Variants in RHOT2 observed in about 807,000 individuals in gnomAD.
RHOT2 encodes the protein mitochondrial Rho GTPase 2.
Under a neutral mutation model 81.6 loss-of-function variants are expected in RHOT2, and 90 were observed. The observed-to-expected ratio is 1.10, with a 90% CI of 0.93 to 1.31. The LOEUF (loss-of-function observed/expected upper bound fraction) is 1.31, where lower values mean the gene tolerates loss of function less well. Ranked by LOEUF, RHOT2 falls within the 40% of genes most tolerant of loss-of-function variation. The pLI, the probability that RHOT2 is intolerant of heterozygous loss-of-function variation, is 0.00. For synonymous variants in RHOT2, 512 were observed against 370.9 expected (o/e 1.38, Z -4.37); for missense variants, 1,014 against 841.9 (o/e 1.20, Z -2.53).
At position 668,562 on chromosome 16, in the gene RHOT2, C is replaced by T. The variant is rs143268010; in HGVS notation, c.171C>T (p.Asp57=). ...TPEKVPTHIV[D]YSEAEQTDEE... ...AGAAGGTGCCCACCCACATCGTGGA[C>T]TACTCAGGTAGCGGCCGTAGCCTCC... The change falls in exon 3 of 19, where the codon GAC becomes GAT. Residue 57 remains aspartate, a synonymous_variant. Coordinates refer to ENST00000315082, the MANE Select transcript of RHOT2 (RefSeq NM_138769.3). 3.1e-6 allele frequency: 5 copies of T among 1,610,534 alleles called. No individual in the cohort carries two copies. The highest frequency in any genetic ancestry group is 4.2e-6 in the Non-Finnish European group (5 of 1,179,118).
chr16:668,876 C>G (rs2038401110), intron 4 of RHOT2, 177 bp downstream of exon 4: 3 of 619,846 alleles, frequency 4.8e-6, no homozygotes, highest in Admixed American at 6.5e-5. Context: ...GCCGGCACCG[C>G]TCAGTCCAGT....
At position 672,960 on chromosome 16, in the gene RHOT2, C is replaced by T. The variant is rs527825249; in HGVS notation, c.1560C>T (p.Leu520=). Residue 520 remains leucine (L), a synonymous_variant, in exon 18 of 19, where the codon CTC becomes CTT. Coordinates refer to ENST00000315082, the MANE Select transcript of RHOT2 (RefSeq NM_138769.3). ...HHYMDGQTPC[L]FVSSKADLPE... is the part of the protein sequence containing the mutation. ...ACATGGACGGGCAGACCCCCTGCCT[C>T]TTTGTCTCCTCCAAGGCCGACCTGC... The T allele has an allele frequency of 4.3e-6, 7 of 1,612,854 alleles. No individual in the cohort carries two copies. The highest frequency in any genetic ancestry group is 2.2e-5 in the South Asian group (2 of 91,088).
At chr16:669,871 G>A in intron 5 of RHOT2, 2 of 613,370 alleles carry the variant, frequency 3.3e-6, no homozygotes, top group South Asian at 4.0e-5. Flanking sequence ...GACCCGCAGA[G>A]GGCCTGCGTT....
At chr16:668,939 C>T (rs374465396) in intron 4 of RHOT2, 18 of 531,922 alleles carry the variant, frequency 3.4e-5, no homozygotes, top group African/African-American at 2.6e-4. Flanking sequence ...TCCCTCCTGC[C>T]GGGGTGGCAG....
chr16:669,022 C>T (rs957128296), intron 4 of RHOT2: 5 of 453,284 alleles, frequency 1.1e-5, no homozygotes, highest in Non-Finnish European at 2.0e-5. Context: ...ACCGTCCCGG[C>T]CTCCGGGCAC....
chr16:669,347 G>A, intron 4 of RHOT2: 3 of 603,478 alleles, frequency 5.0e-6, no homozygotes, highest in Non-Finnish European at 8.9e-6. Flanking sequence ...GCAGCTCCCA[G>A]TGTGACACTG....
chr16:673,392 C>T (rs377104707), intron 18 of RHOT2, 88 bp from the exon 19 acceptor site: 16 of 1,583,944 alleles, frequency 1.0e-5, no homozygotes, highest in East Asian at 2.2e-5. Context: ...CCTGTGGGGC[C>T]CTGTGAGTCC....
Position 668,403 on chromosome 16 carries a change from C to A in RHOT2, c.88C>A (p.Pro30Thr). The A allele has an allele frequency of 1.3e-6, 2 of 1,490,066 alleles. No individual in the cohort carries two copies. Among genetic ancestry groups the A allele is most frequent in the Non-Finnish European group, 8.9e-7 (1 of 1,126,264 alleles). 92.3% of individuals were successfully genotyped at this position (1,490,066 alleles called of 1,614,324 possible). ...LILSLVGEEFPEEVPPRAEEI... is the reference protein window; with the variant it reads ...LILSLVGEEFTEEVPPRAEEI... Reference sequence around the variant, plus strand: ...CCTGTCCCTGGTGGGCGAGGAGTTCCCCGAGGAGGTAAGGGGCACGCCCGC... The same window carrying A: ...CCTGTCCCTGGTGGGCGAGGAGTTCACCGAGGAGGTAAGGGGCACGCCCGC... The change falls in exon 2 of 19, where the codon CCC (proline) becomes ACC (threonine). Residue 30 changes from proline (P) to threonine (T), a missense_variant. Pro to Thr is a conservative substitution (Grantham distance 38). Coordinates refer to ENST00000315082, the MANE Select transcript of RHOT2 (RefSeq NM_138769.3).
At chr16:669,747 C>T in intron 5 of RHOT2, 141 bp downstream of exon 5, 1 of 810,758 alleles carries the variant, frequency 1.2e-6, no homozygotes. Flanking sequence ...CGTGGAGTCA[C>T]CCGGCCCTCT....
intron 5 of RHOT2, 187 bp downstream of exon 5, chr16:669,793 G>A (rs909438630): frequency 9.2e-5 from 60 of 650,534 alleles, no homozygotes; most frequent in Middle Eastern, 8.2e-4. Flanking sequence ...GGTCTGGGGC[G>A]TCCCGCAGTC....
At position 672,781 on chromosome 16, in the gene RHOT2, G is replaced by T. The variant is rs200200806; in HGVS notation, c.1483G>T (p.Gly495Cys). The T allele has an allele frequency of 1.2e-5, 19 of 1,612,700 alleles. No individual in the cohort carries two copies. The East Asian group carries it at 4.0e-4, about 34-fold the overall frequency. The change falls in exon 17 of 19, where the codon GGC becomes TGC. Residue 495 changes from glycine to cysteine, a missense_variant. Transcript: ENST00000315082. ...TGACGTTGCCTGCTTGATGTTTGAT[G>T]GCAGTGACCCAAAGTCCTTTGCACA... ...TCDVACLMFD[G>C]SDPKSFAHCA...
At chr16:669,962 C>T (rs1435441334) in intron 5 of RHOT2, 161 bp from the exon 6 acceptor site, 4 of 660,334 alleles carry the variant, frequency 6.1e-6, no homozygotes, top group East Asian at 5.5e-5. Flanking sequence ...GCTGCACCTG[C>T]TGCCTGCCTT....
rs955427965 is a variant in RHOT2, at chr16:674,040, T to C, written c.*434T>C. On this transcript the variant is annotated 3_prime_UTR_variant, in exon 19 of 19. Coordinates refer to ENST00000315082, the MANE Select transcript of RHOT2 (RefSeq NM_138769.3). ...TGGGCCAAAAGCAGGCGTTGGGGGG[T>C]CCCCCCTCAAGTTTGGAGCCGTTTC... The C allele has an allele frequency of 1.5e-5, 4 of 275,714 alleles. No individual in the cohort carries two copies. Among genetic ancestry groups the C allele is most frequent in the East Asian group, 1.2e-4 (1 of 8,476 alleles). 17.1% of individuals were successfully genotyped at this position (275,714 alleles called of 1,614,324 possible). A position where few individuals can be genotyped will look rare whatever the true frequency, so the allele number is the denominator to read the frequency against.
chr16:673,490 C>T lies in RHOT2; in HGVS notation c.1741C>T (p.His581Tyr). Reference sequence around the variant, plus strand: ...TCTTCTCTCTTGCAGACATTTGGTCCACGCAGAGCTGCATCCCTCTTCCTT... The same window carrying T: ...TCTTCTCTCTTGCAGACATTTGGTCTACGCAGAGCTGCATCCCTCTTCCTT... ...ATMAAFPHLVHAELHPSSFWL... is the reference protein window; with the variant it reads ...ATMAAFPHLVYAELHPSSFWL... The change falls in exon 19 of 19, where the codon CAC (histidine) becomes TAC (tyrosine). Residue 581 changes from histidine to tyrosine, a missense_variant. Coordinates refer to ENST00000315082, the MANE Select transcript of RHOT2 (RefSeq NM_138769.3). 3 of 1,612,630 alleles carry T rather than the reference C, an allele frequency of 1.9e-6. No individual in the cohort carries two copies. The highest frequency in any genetic ancestry group is 2.2e-5 in the East Asian group (1 of 44,882).
chr16:669,860 G>C, intron 5 of RHOT2: 1 of 615,444 alleles, frequency 1.6e-6, no homozygotes, highest in Non-Finnish European at 2.9e-6. Context: ...CCCCGGGGGG[G>C]GACCCGCAGA....
chr16:668,630 G>T (rs777429137), intron 3 of RHOT2, 26 bp from the exon 4 acceptor site: 2 of 1,608,752 alleles, frequency 1.2e-6, no homozygotes, highest in East Asian at 2.2e-5. Context: ...TGCTGGGTCC[G>T]CAGTGGAGTC....
rs757368268 is a variant in RHOT2 at position 673,016 on chromosome 16, C to T, written c.1616C>T (p.Pro539Leu). Residue 539 changes from proline to leucine, a missense_variant, in exon 18 of 19, where the codon CCG becomes CTG. Pro to Leu is a moderately conservative substitution (Grantham distance 98, BLOSUM62 -3). Transcript: ENST00000315082. ...PEGVAVSGPS[P>L]AEFCRKHRLP... ...GGTGTCGCGGTGTCTGGCCCATCAC[C>T]GGCCGAGTTTTGCCGCAAGCACCGG... 1.4e-5 allele frequency: 22 copies of T among 1,612,422 alleles called. No individual in the cohort carries two copies. The highest frequency in any genetic ancestry group is 1.6e-4 in the Middle Eastern group (1 of 6,084).
At position 673,064 on chromosome 16, in the gene RHOT2, C is replaced by T. The variant is rs767689571; in HGVS notation, c.1664C>T (p.Ser555Phe). The change falls in exon 18 of 19, where the codon TCC becomes TTC. Residue 555 changes from serine (S) to phenylalanine (F), a missense_variant. Transcript: ENST00000315082. ...CGGCTACCCGCTCCCGTGCCGTTCT[C>T]CTGTGCTGGCCCAGCCGAGCCCAGC... The part of the protein sequence containing the change: ...KHRLPAPVPF[S>F]CAGPAEPSTT... 6 of 1,611,762 alleles carry T rather than the reference C, an allele frequency of 3.7e-6. No individual in the cohort carries two copies. The highest frequency in any genetic ancestry group is 1.7e-5 in the Admixed American group (1 of 59,998).
In RHOT2 at chr16:669,545, TC is replaced by T. The variant is rs572821824; in HGVS notation, c.223-5del. ...CCTGTCACCCACACCTCATCACTGTTCCCTCAGGCAAACGTGGTGTGTGTGG... is the reference window on the plus strand; with the variant it reads ...CCTGTCACCCACACCTCATCACTGTTCCTCAGGCAAACGTGGTGTGTGTGG... On this transcript the variant is annotated splice_polypyrimidine_tract_variant and splice_region_variant and intron_variant, in intron 4 of 18. Transcript: ENST00000315082. 156 of 1,611,386 alleles carry T rather than the reference TC, an allele frequency of 9.7e-5. No individual in the cohort carries two copies. The highest frequency in any genetic ancestry group is 1.3e-4 in the Non-Finnish European group (154 of 1,179,756).
Sources: gnomAD v4.1 joint callset for allele counts on GRCh38, gnomAD v4.1.1 for gene constraint, MANE v1.5 for transcripts, NCBI Gene and HGNC (gene_info 2026-07-23, HGNC 2026-07-21) for gene names.